Variants in CCDC102B observed in about 807,000 individuals in gnomAD.
The protein encoded by CCDC102B is coiled-coil domain containing 102B, also known as coiled-coil domain-containing protein 102B.
In CCDC102B, 75 loss-of-function variants were observed where a neutral mutation model predicts 57.4. The ratio of observed to expected loss-of-function variants is 1.31; its 90% CI spans 1.08 to 1.58. CCDC102B has a LOEUF of 1.58. CCDC102B is among the 40% of genes most tolerant of loss of function. CCDC102B has a pLI of 0.00. For missense variants in CCDC102B, 636 were observed against 582.6 expected (o/e 1.09, Z -0.94); for synonymous variants, 206 against 201.9 (o/e 1.02, Z -0.17).
At chr18:68,869,889 T>C (rs1316559228) in intron 4 of CCDC102B, among the ~76,000 whole-genome samples, 1 of 152,206 alleles carries the variant, frequency 6.6e-6, no homozygotes, top group Non-Finnish European at 1.5e-5. Flanking sequence ...CATCTTGAGC[T>C]AATTCTTGTG....
At chr18:68,937,907 T>C (rs1365128277) in intron 6 of CCDC102B, among the ~76,000 whole-genome samples, 1 of 152,090 alleles carries the variant, frequency 6.6e-6, no homozygotes, top group Non-Finnish European at 1.5e-5. Flanking sequence ...GGTTTCCAGC[T>C]TCATCCATGT....
Position 69,034,312 on chromosome 18 carries a change from C to T in CCDC102B, c.1435-19718C>T, listed in dbSNP as rs182363722. ...ATCAAATGTAATAAAGATTTACTCT[C>T]ATATTTTCTTCTAAGGGTTTTATAG... On this transcript the variant is annotated intron_variant, in intron 7 of 7. Coordinates refer to ENST00000360242, the MANE Select transcript of CCDC102B (RefSeq NM_024781.3). Among the ~76,000 whole-genome samples, 564 of 151,978 alleles carry T rather than the reference C, an allele frequency of 3.7e-3. 4 individuals carry two copies. The highest frequency in any genetic ancestry group is 6.7e-3 in the Non-Finnish European group (455 of 67,868).
intron 2 of CCDC102B, among the ~76,000 whole-genome samples, chr18:68,758,790 G>T (rs2034144606): frequency 6.6e-6 from 1 of 151,652 alleles, no homozygotes; most frequent in Non-Finnish European, 1.5e-5. Flanking sequence ...GAGGCAGAGG[G>T]GTTATATGAA....
intron 2 of CCDC102B, among the ~76,000 whole-genome samples, chr18:68,772,951 G>A (rs1388152859): frequency 1.3e-5 from 2 of 152,028 alleles, no homozygotes; most frequent in Non-Finnish European, 2.9e-5. Context: ...CTGTAAAAGG[G>A]AGTTAAAGCT....
At chr18:68,985,436 C>T (rs1008248601) in intron 6 of CCDC102B, among the ~76,000 whole-genome samples, 11 of 152,200 alleles carry the variant, frequency 7.2e-5, no homozygotes, top group African/African-American at 2.6e-4. Context: ...TAGAAATACT[C>T]TAGATCTATG....
Position 68,829,624 on chromosome 18 carries a change from A to C in CCDC102B, c.-15-7125A>C, listed in dbSNP as rs375341171. On this transcript the variant is annotated intron_variant, in intron 1 of 7. Coordinates refer to ENST00000360242, the MANE Select transcript of CCDC102B (RefSeq NM_024781.3). ...GTTGGCAGCTTTGCACATCCTATCA[A>C]ATGGGTGTGAGAAAATATTACCGCA... Among the ~76,000 whole-genome samples, 12 of 152,086 alleles carry C rather than the reference A, an allele frequency of 7.9e-5. No individual in the cohort carries two copies. In the East Asian group the frequency reaches 1.4e-3, roughly 17 times the overall value.
chr18:68,929,774 C>A, intron 6 of CCDC102B, among the ~76,000 whole-genome samples: 1 of 151,694 alleles, frequency 6.6e-6, no homozygotes, highest in East Asian at 1.9e-4. Context: ...ATATATGGAG[C>A]ATAGTTTGGC....
intron 6 of CCDC102B, among the ~76,000 whole-genome samples, chr18:69,004,928 C>T (rs10503138): frequency 0.053 from 8,010 of 152,106 alleles, 331 homozygotes; most frequent in East Asian, 0.13. Context: ...CTGATTAAGA[C>T]GGATAAAATG....
At chr18:68,828,010 T>C (rs986245964) in intron 1 of CCDC102B, among the ~76,000 whole-genome samples, 2 of 151,706 alleles carry the variant, frequency 1.3e-5, no homozygotes, top group African/African-American at 2.4e-5. Flanking sequence ...AAAGGATCAA[T>C]ACATCAGGAA....
downstream of CCDC102B, among the ~76,000 whole-genome samples, chr18:69,057,119 G>A (rs1016693665): frequency 2.6e-5 from 4 of 151,916 alleles, no homozygotes; most frequent in African/African-American, 7.2e-5. Context: ...TTACTTTCAT[G>A]AATCCCCTCA....
intron 7 of CCDC102B, among the ~76,000 whole-genome samples, chr18:69,011,488 AT>A (rs895655917): frequency 2.6e-5 from 4 of 151,584 alleles, no homozygotes; most frequent in Admixed American, 2.0e-4. Context: ...TTTATTATAT[AT>A]TTTCAGTGTT....
chr18:68,861,426 A>G lies in CCDC102B; in HGVS notation c.937-13243A>G, dbSNP rs1340672588. Among the ~76,000 whole-genome samples the G allele has an allele frequency of 7.2e-5, 11 of 151,954 alleles. No homozygotes were observed. In the East Asian group the frequency reaches 2.1e-3, roughly 29 times the overall value. Reference sequence around the variant, plus strand: ...TAAATATTTTCATCTTTTTATAATTATTCTTAACCTTTGTTCTGAGTACTA... The same window carrying G: ...TAAATATTTTCATCTTTTTATAATTGTTCTTAACCTTTGTTCTGAGTACTA... On this transcript the variant is annotated intron_variant, in intron 4 of 7. Transcript: ENST00000360242.
chr18:68,929,235 A>G (rs1014213697), intron 6 of CCDC102B, among the ~76,000 whole-genome samples: 1 of 151,890 alleles, frequency 6.6e-6, no homozygotes, highest in Non-Finnish European at 1.5e-5. Flanking sequence ...GTCTCTCCCA[A>G]ATTCCACACA....
At chr18:68,936,377 T>G (rs115619413) in intron 6 of CCDC102B, among the ~76,000 whole-genome samples, 2,919 of 152,062 alleles carry the variant, frequency 0.019, 102 homozygotes, top group African/African-American at 0.066. Context: ...TAGGTAGAGG[T>G]GTTCCTCTTT....
chr18:68,745,529 T>C (rs1391742806), intron 2 of CCDC102B, among the ~76,000 whole-genome samples: 1 of 152,158 alleles, frequency 6.6e-6, no homozygotes, highest in African/African-American at 2.4e-5. Context: ...GTATAATGTA[T>C]AGTGATCAGA....
intron 7 of CCDC102B, among the ~76,000 whole-genome samples, chr18:69,011,509 T>C (rs1242183935): frequency 1.3e-5 from 2 of 152,004 alleles, no homozygotes; most frequent in Non-Finnish European, 2.9e-5. Context: ...TCTTTAGTGT[T>C]CAAATGAATC....
intron 4 of CCDC102B, 69 bp from the exon 5 acceptor site, chr18:68,874,600 C>A: frequency 1.1e-6 from 1 of 905,672 alleles, no homozygotes; most frequent in South Asian, 1.5e-5. Flanking sequence ...AAATGAAGGA[C>A]TAATGTGGAT....
At chr18:68,731,694 T>C (rs961707225) in intron 2 of CCDC102B, among the ~76,000 whole-genome samples, 3 of 149,794 alleles carry the variant, frequency 2.0e-5, no homozygotes, top group African/African-American at 7.3e-5. Context: ...CAATTTTGTC[T>C]ATGTGTGTAT....
At chr18:68,818,209 G>T (rs1231519481) in intron 1 of CCDC102B, among the ~76,000 whole-genome samples, 1 of 124,468 alleles carries the variant, frequency 8.0e-6, no homozygotes, top group African/African-American at 3.3e-5. Context: ...CAGGCCCTGT[G>T]CTGTCCCTGT....
Sources: allele counts gnomAD v4.1 joint callset (sites outside exome capture counted in the v4.1 genomes callset), GRCh38; gene constraint gnomAD v4.1.1; transcripts MANE v1.5; gene names NCBI Gene and HGNC (gene_info 2026-07-23, HGNC 2026-07-21).